The following ZMYND8 variants were observed in gnomAD, a reference collection of about 807,000 sequenced individuals.
The protein encoded by ZMYND8 is MYND-type zinc finger-containing chromatin reader ZMYND8.
Under a neutral mutation model 140.8 loss-of-function variants are expected in ZMYND8, and 37 were observed. That is an observed-to-expected ratio of 0.26 (90% CI 0.20 to 0.35). The LOEUF (loss-of-function observed/expected upper bound fraction) is 0.35. ZMYND8 is among the 10% of genes least tolerant of loss of function. The pLI is 1.00. For synonymous variants in ZMYND8, 592 were observed against 597.1 expected (o/e 0.99, Z 0.12); for missense variants, 1,068 against 1,570.0 (o/e 0.68, Z 5.40).
intron 6 of ZMYND8, among the ~76,000 whole-genome samples, chr20:47,291,110 T>G (rs2077236833): frequency 6.6e-6 from 1 of 152,186 alleles, no homozygotes; most frequent in Non-Finnish European, 1.5e-5. Context: ...ATGCCTCCTT[T>G]TTTCCACCAC....
chr20:47,338,411 A>G (rs1391929449), intron 2 of ZMYND8, among the ~76,000 whole-genome samples: 1 of 151,640 alleles, frequency 6.6e-6, no homozygotes, highest in African/African-American at 2.4e-5. Context: ...AAACTTCCCA[A>G]GAAAAGCAGG....
Position 47,210,879 on chromosome 20 carries a change from T to G in ZMYND8, c.3587A>C (p.Lys1196Thr). Residue 1196 changes from lysine (K) to threonine (T), a missense_variant, in exon 23 of 23, where the codon AAA becomes ACA. By Grantham distance (78) the Lys-to-Thr change is moderately conservative. This residue lies in a region of ZMYND8 where 180 missense variants were observed against 187.8 expected (regional missense o/e 0.96). Coordinates refer to ENST00000471951, the MANE Select transcript of ZMYND8 (RefSeq NM_001281775.3). Reference sequence around the variant, plus strand: ...CTCATCACTGCTGCTCCAACTGGATTTATTACTCCGGGAATGGTCTGAGGG... The same window carrying G: ...CTCATCACTGCTGCTCCAACTGGATGTATTACTCCGGGAATGGTCTGAGGG... Reference protein sequence around the residue: ...PAQKYHSRSNKSSWSSSDEKR... With the variant: ...PAQKYHSRSNTSSWSSSDEKR... 6.2e-7 allele frequency: 1 copy of G among 1,614,044 alleles called. No homozygotes were observed. Among genetic ancestry groups the G allele is most frequent in the East Asian group, 2.2e-5 (1 of 44,870 alleles).
Position 47,276,752 on chromosome 20 carries a change from T to C in ZMYND8, c.1042A>G (p.Ile348Val). 6.2e-7 allele frequency: 1 copy of C among 1,613,806 alleles called. No homozygotes were observed. Among genetic ancestry groups the C allele is most frequent in the Non-Finnish European group, 8.5e-7 (1 of 1,179,934 alleles). Reference protein sequence around the residue: ...INNCYLMSKEIPFSVKKTKSI... With the variant: ...INNCYLMSKEVPFSVKKTKSI... Reference sequence around the variant, plus strand: ...TTAGTCTTTTTCACAGAAAAAGGAATTTCTTTAGACATGAGGTAGCAATTA... The same window carrying C: ...TTAGTCTTTTTCACAGAAAAAGGAACTTCTTTAGACATGAGGTAGCAATTA... The change falls in exon 11 of 23, where the codon ATT becomes GTT. Residue 348 changes from isoleucine to valine, a missense_variant. Physicochemically the swap from Ile to Val is conservative, Grantham distance 29. This residue lies in a region of ZMYND8 where 49 missense variants were observed against 94.1 expected (regional missense o/e 0.52). Transcript: ENST00000471951.
chr20:47,214,404 T>C (rs2035760984), intron 21 of ZMYND8, among the ~76,000 whole-genome samples: 1 of 152,136 alleles, frequency 6.6e-6, no homozygotes, highest in Admixed American at 6.5e-5. Context: ...AAAACGCACT[T>C]TTTCTGCCAC....
chr20:47,352,390 C>T (rs138601265), intron 1 of ZMYND8: 2 of 942,006 alleles, frequency 2.1e-6, no homozygotes, highest in Non-Finnish European at 2.5e-6. Context: ...GCAGCCAGTC[C>T]TAAGACAGTT....
At chr20:47,244,289 C>CACAT (rs1294616677) in intron 14 of ZMYND8, among the ~76,000 whole-genome samples, 1 of 152,202 alleles carries the variant, frequency 6.6e-6, no homozygotes, top group African/African-American at 2.4e-5. Flanking sequence ...AGTCACTCGC[C>CACAT]ACATACATAA....
At chr20:47,301,033 C>T (rs547198885) in intron 3 of ZMYND8, among the ~76,000 whole-genome samples, 3 of 152,018 alleles carry the variant, frequency 2.0e-5, no homozygotes, top group Admixed American at 2.0e-4. Flanking sequence ...TTTCCACAAT[C>T]CTTGATGAAG....
intron 1 of ZMYND8, chr20:47,356,279 A>T (rs1349892000): frequency 2.1e-5 from 21 of 987,466 alleles, no homozygotes; most frequent in Non-Finnish European, 2.6e-5. Context: ...CAGGGGTGGG[A>T]GGGGGGGAAC....
intron 11 of ZMYND8, among the ~76,000 whole-genome samples, chr20:47,274,879 G>C (rs1306452191): frequency 1.3e-5 from 2 of 152,218 alleles, no homozygotes; most frequent in Admixed American, 6.5e-5. Context: ...AAAGTCAGTA[G>C]AATTATTTGA....
intron 3 of ZMYND8, 52 bp downstream of exon 3, chr20:47,310,004 T>C: frequency 6.2e-7 from 1 of 1,611,356 alleles, no homozygotes; most frequent in South Asian, 1.1e-5. Flanking sequence ...TCAGCGCTAC[T>C]AGCTGGCCTC....
At chr20:47,275,122 A>ATG (rs2076180496) in intron 11 of ZMYND8, among the ~76,000 whole-genome samples, 1 of 152,224 alleles carries the variant, frequency 6.6e-6, no homozygotes, top group Non-Finnish European at 1.5e-5. Flanking sequence ...CTTCCAAGAC[A>ATG]TCTTAAACTG....
intron 3 of ZMYND8, among the ~76,000 whole-genome samples, chr20:47,308,223 T>G (rs997076415): frequency 6.7e-6 from 1 of 148,380 alleles, no homozygotes. Flanking sequence ...CGTGAGGTTT[T>G]TTTTTTTTTT....
intron 21 of ZMYND8, among the ~76,000 whole-genome samples, chr20:47,214,716 A>C (rs1201040480): frequency 6.6e-6 from 1 of 152,028 alleles, no homozygotes; most frequent in Non-Finnish European, 1.5e-5. Context: ...GCTGGTCTTG[A>C]ACTCCTGACC....
At chr20:47,350,256 G>GCACGCACACTCA (rs1400529750) in intron 1 of ZMYND8, among the ~76,000 whole-genome samples, 1 of 145,510 alleles carries the variant, frequency 6.9e-6, no homozygotes, top group Non-Finnish European at 1.5e-5. Flanking sequence ...GCACACACAT[G>GCACGCACACTCA]CACGCACACT....
At chr20:47,236,661 T>C (rs2039278505) in intron 15 of ZMYND8, 145 bp from the exon 16 acceptor site, 1 of 833,768 alleles carries the variant, frequency 1.2e-6, no homozygotes, top group Non-Finnish European at 1.8e-6. Flanking sequence ...GACCAAACTC[T>C]ATCCAGGTTT....
intron 9 of ZMYND8, among the ~76,000 whole-genome samples, chr20:47,282,501 G>A (rs1376885095): frequency 1.3e-5 from 2 of 152,092 alleles, no homozygotes; most frequent in African/African-American, 4.8e-5. Flanking sequence ...AATGCGGGTG[G>A]ATCACCTGAG....
At chr20:47,297,781 A>G (rs1254076196) in intron 4 of ZMYND8, among the ~76,000 whole-genome samples, 1 of 152,184 alleles carries the variant, frequency 6.6e-6, no homozygotes, top group Non-Finnish European at 1.5e-5. Context: ...TGGAGATGAC[A>G]TTTTTATTTT....
rs369389598 is a variant in ZMYND8 at position 47,244,960 on chromosome 20, G to A, written c.2284+1048C>T. Among the ~76,000 whole-genome samples the A allele has an allele frequency of 4.6e-5, 7 of 152,236 alleles. No homozygotes were observed. The East Asian group carries it at 5.8e-4, about 13-fold the overall frequency. On this transcript the variant is annotated intron_variant, in intron 14 of 22. Transcript: ENST00000471951. ...TAATCCCAGTTACTTGGGAGGCTGA[G>A]GGAGGAGAATCACTTGAACCCGGGA...
intron 16 of ZMYND8, among the ~76,000 whole-genome samples, chr20:47,235,688 C>G (rs1601096074): frequency 6.8e-6 from 1 of 146,656 alleles, no homozygotes; most frequent in Non-Finnish European, 1.5e-5. Flanking sequence ...GCCTGGGGAA[C>G]AGAGTGAGAC....
Sources: gnomAD v4.1 joint callset for allele counts (sites outside exome capture counted in the v4.1 genomes callset) on GRCh38, gnomAD v4.1.1 for gene constraint, gnomAD v4.1.1 regional missense constraint, MANE v1.5 for transcripts, NCBI Gene and HGNC (gene_info 2026-07-23, HGNC 2026-07-21) for gene names.